ATP2B2: variants seen among roughly 807,000 people sequenced by gnomAD.
ATP2B2 encodes ATPase plasma membrane Ca2+ transporting 2.
Under a neutral mutation model 120.0 loss-of-function variants are expected in ATP2B2, and 15 were observed. The observed-to-expected ratio is 0.12, with a 90% CI of 0.08 to 0.19. ATP2B2 has a LOEUF of 0.19. ATP2B2 is among the 10% of genes least tolerant of loss of function. The pLI is 1.00. For synonymous variants in ATP2B2, 694 were observed against 700.3 expected (o/e 0.99, Z 0.14); for missense variants, 1,045 against 1,719.8 (o/e 0.61, Z 6.94).
rs1043749289 is a variant in ATP2B2, at chr3:10,677,871, A to G, written c.-460+30044T>C. Among the ~76,000 whole-genome samples, 5 of 152,182 alleles carry G rather than the reference A, an allele frequency of 3.3e-5. No individual in the cohort carries two copies. The East Asian group carries it at 9.6e-4, about 29-fold the overall frequency. ...GGCATGAGTAAGCTTTCGAGCCATA[A>G]AGCTCTCTGTATGCCAGGCCCTGCT... On this transcript the variant is annotated intron_variant, in intron 1 of 21. Transcript: ENST00000646379.
chr3:10,505,952 G>A (rs1016431042), upstream of ATP2B2, among the ~76,000 whole-genome samples: 1 of 152,110 alleles, frequency 6.6e-6, no homozygotes, highest in African/African-American at 2.4e-5. Flanking sequence ...GTAGGGCTGG[G>A]CTGTGCTGGA....
At chr3:10,486,079 G>A (rs902514817) in intron 1 of ATP2B2, among the ~76,000 whole-genome samples, 2 of 152,146 alleles carry the variant, frequency 1.3e-5, no homozygotes, top group Non-Finnish European at 2.9e-5. Flanking sequence ...CTCAGCCAGT[G>A]GCCAGGTCAG....
intron 1 of ATP2B2, among the ~76,000 whole-genome samples, chr3:10,633,874 G>A (rs1026519473): frequency 1.3e-5 from 2 of 152,254 alleles, no homozygotes; most frequent in South Asian, 4.1e-4. Context: ...ACATAACAGA[G>A]ACAAGAAATG....
chr3:10,590,547 C>G (rs1319817717), intron 2 of ATP2B2, among the ~76,000 whole-genome samples: 1 of 152,204 alleles, frequency 6.6e-6, no homozygotes, highest in Non-Finnish European at 1.5e-5. Flanking sequence ...AGGTGCCTGC[C>G]TCCCCTGCAT....
intron 1 of ATP2B2, among the ~76,000 whole-genome samples, chr3:10,695,377 C>T (rs1163639734): frequency 6.6e-6 from 1 of 151,876 alleles, no homozygotes; most frequent in African/African-American, 2.4e-5. Context: ...AGACCTGCTC[C>T]CATGATTCAA....
rs1013196956 is a variant in ATP2B2, at chr3:10,351,450, T to C, written c.2137-873A>G. ...AACATGTCAAGGGCAGGAAATCCAG[T>C]TGTTTGGGAGGACCACAGCCTGTTA... On this transcript the variant is annotated intron_variant, in intron 14 of 22. Transcript: ENST00000360273. Among the ~76,000 whole-genome samples, 7 of 152,216 alleles carry C rather than the reference T, an allele frequency of 4.6e-5. No individual in the cohort carries two copies. The South Asian group carries it at 1.4e-3, about 32-fold the overall frequency.
Position 10,340,390 on chromosome 3 carries a change from C to A in ATP2B2, c.3130-41G>T, listed in dbSNP as rs780122036. The A allele has an allele frequency of 2.5e-6, 4 of 1,603,330 alleles. No individual in the cohort carries two copies. In the East Asian group the frequency reaches 8.9e-5, roughly 36 times the overall value. Reference sequence around the variant, plus strand: ...GAGCAGAGAAAGAGAGAGAGAGAGGCCATCAGGGACCAGCACAGAGGGCTG... The same window carrying A: ...GAGCAGAGAAAGAGAGAGAGAGAGGACATCAGGGACCAGCACAGAGGGCTG... On this transcript the variant is annotated intron_variant, in intron 20 of 22. Transcript: ENST00000360273. This position sits in a 1 kb window ranked among gnomAD's most constrained non-coding sequence, Gnocchi z 5.0.
intron 12 of ATP2B2, among the ~76,000 whole-genome samples, chr3:10,361,649 G>T (rs1672221071): frequency 6.6e-6 from 1 of 152,206 alleles, no homozygotes; most frequent in African/African-American, 2.4e-5. Flanking sequence ...ATGCCTCTGT[G>T]CCTTCACCTC....
At position 10,626,300 on chromosome 3, in the gene ATP2B2, C is replaced by T. The variant is rs543628576; in HGVS notation, c.-459-6339G>A. 15 of 152,340 alleles carry T rather than the reference C, an allele frequency of 9.8e-5. No homozygotes were observed. The East Asian group carries it at 2.7e-3, about 27-fold the overall frequency. 9.4% of individuals were successfully genotyped at this position (152,340 alleles called of 1,614,324 possible). ...GGACTCCGGCCTTTTTCCACTTTGCCATCTCTTCTTTGTGAGGCCAGGATG... is the reference window on the plus strand; with the variant it reads ...GGACTCCGGCCTTTTTCCACTTTGCTATCTCTTCTTTGTGAGGCCAGGATG... On this transcript the variant is annotated intron_variant, in intron 1 of 21. Coordinates refer to the ATP2B2 transcript ENST00000646379.
intron 2 of ATP2B2, among the ~76,000 whole-genome samples, chr3:10,535,513 C>CCCGTAG (rs1225790623): frequency 2.0e-5 from 3 of 152,104 alleles, no homozygotes; most frequent in African/African-American, 7.2e-5. Context: ...CCTTGGGCTA[C>CCCGTAG]CCTGTTATAG....
intron 1 of ATP2B2, 105 bp from the exon 2 acceptor site, chr3:10,449,967 C>T (rs564151927): frequency 4.5e-4 from 146 of 324,236 alleles, no homozygotes; most frequent in African/African-American, 3.0e-3. Context: ...CTAAACAACA[C>T]TGACTACACC....
rs548533253 is a variant in ATP2B2, at chr3:10,670,573, A to G, written c.-460+37342T>C. ...GCTGGGATTACAGGCGCCCGCCACC[A>G]CACCTGGCTAATTTTTTTGTATTTT... On this transcript the variant is annotated intron_variant, in intron 1 of 21. Coordinates refer to the ATP2B2 transcript ENST00000646379. Among the ~76,000 whole-genome samples the G allele has an allele frequency of 5.3e-5, 8 of 151,124 alleles. No individual in the cohort carries two copies. In the South Asian group the frequency reaches 8.6e-4, roughly 16 times the overall value.
intron 2 of ATP2B2, among the ~76,000 whole-genome samples, chr3:10,536,074 G>C (rs1414283833): frequency 6.6e-6 from 1 of 152,050 alleles, no homozygotes; most frequent in Non-Finnish European, 1.5e-5. Context: ...ATTCTGATAG[G>C]TGTGTAATAA....
At chr3:10,553,775 T>A (rs73028999) in intron 2 of ATP2B2, among the ~76,000 whole-genome samples, 6,611 of 152,100 alleles carry the variant, frequency 0.043, 185 homozygotes, top group East Asian at 0.13. Context: ...ATCGAGATAA[T>A]CCAAAGTTTC....
chr3:10,475,319 G>A (rs1396861553), intron 1 of ATP2B2, among the ~76,000 whole-genome samples: 1 of 152,222 alleles, frequency 6.6e-6, no homozygotes, highest in Admixed American at 6.5e-5. Context: ...TCCTGCAGGG[G>A]TCATGTCAGA....
chr3:10,496,378 C>G (rs908533286), intron 1 of ATP2B2, among the ~76,000 whole-genome samples: 7 of 152,152 alleles, frequency 4.6e-5, no homozygotes, highest in African/African-American at 1.4e-4. Context: ...GGAGCTCCTG[C>G]CCGGGCAATT....
At chr3:10,585,493 G>GAAAAA (rs60670471) in intron 2 of ATP2B2, among the ~76,000 whole-genome samples, 3 of 28,510 alleles carry the variant, frequency 1.1e-4, no homozygotes, top group African/African-American at 4.9e-4. Context: ...GACTCCGTCT[G>GAAAAA]AAAAAAAAAA....
rs964357794 is a variant in ATP2B2, at chr3:10,400,889, G to A, written c.781+64C>T. 2.5e-6 allele frequency: 4 copies of A among 1,609,530 alleles called. No individual in the cohort carries two copies. The African/African-American group carries it at 5.3e-5, about 22-fold the overall frequency. On this transcript the variant is annotated intron_variant, in intron 5 of 22. Coordinates refer to ENST00000360273, the MANE Select transcript of ATP2B2 (RefSeq NM_001001331.4). ...TCTGAGTCCCTTCAGCCTCATGAAG[G>A]GGACACACAGGCATCCCCTGTGCAT...
At chr3:10,468,758 G>A (rs1471490319) in intron 1 of ATP2B2, among the ~76,000 whole-genome samples, 5 of 152,204 alleles carry the variant, frequency 3.3e-5, no homozygotes, top group Non-Finnish European at 5.9e-5. Context: ...GGCAGGTCTC[G>A]TCTTGGGTTC....
Sources: allele counts gnomAD v4.1 joint callset (sites outside exome capture counted in the v4.1 genomes callset), GRCh38; gene constraint gnomAD v4.1.1; non-coding constraint Gnocchi (gnomAD v3.1); transcripts MANE v1.5; gene names NCBI Gene and HGNC (gene_info 2026-07-23, HGNC 2026-07-21).